The following TXLNB variants were observed in gnomAD, a reference collection of about 807,000 sequenced individuals.
The protein encoded by TXLNB is taxilin beta.
Under a neutral mutation model 57.4 loss-of-function variants are expected in TXLNB, and 37 were observed. The observed-to-expected ratio is 0.64, with a 90% CI of 0.50 to 0.85. TXLNB has a LOEUF of 0.85. Among genes scored for constraint, TXLNB ranks in the 40% least tolerant of loss-of-function variants. The pLI is 0.00. For missense variants in TXLNB, 848 were observed against 825.6 expected, an observed-to-expected ratio of 1.03 and a Z score of -0.33; for synonymous variants, 302 against 309.6, an observed-to-expected ratio of 0.98 and a Z score of 0.26.
intron 5 of TXLNB, among the ~76,000 whole-genome samples, chr6:139,261,466 T>C (rs1267323115): frequency 6.6e-6 from 1 of 152,160 alleles, no homozygotes; most frequent in Admixed American, 6.5e-5. Context: ...GCTTTGACTA[T>C]GTTATGTTAC....
chr6:139,253,535 G>T (rs1209389037), intron 7 of TXLNB, among the ~76,000 whole-genome samples: 1 of 151,984 alleles, frequency 6.6e-6, no homozygotes, highest in African/African-American at 2.4e-5. Context: ...AGAGGTTTAG[G>T]TGGGTTACAC....
At chr6:139,289,248 A>G (rs1349400250) in intron 1 of TXLNB, among the ~76,000 whole-genome samples, 1 of 152,216 alleles carries the variant, frequency 6.6e-6, no homozygotes, top group African/African-American at 2.4e-5. Flanking sequence ...GATTACAGAC[A>G]TTGTATAGAA....
Position 139,276,876 on chromosome 6 carries a change from G to A in TXLNB, c.470C>T (p.Thr157Ile). The change falls in exon 3 of 10, where the codon ACA becomes ATA. Residue 157 changes from threonine (T) to isoleucine (I), a missense_variant. Physicochemically the swap from Thr to Ile is moderately conservative, Grantham distance 89. Coordinates refer to ENST00000358430, the MANE Select transcript of TXLNB (RefSeq NM_153235.4). Reference protein sequence around the residue: ...LLMQNLNKLQTPEEKFDFLFK... With the variant: ...LLMQNLNKLQIPEEKFDFLFK... ...TAAAAAATCAAACTTTTCTTCCGGT[G>A]TTTGCAACTTGTTCAGATTTTGCAT... 1.3e-6 allele frequency: 2 copies of A among 1,598,194 alleles called. No homozygotes were observed. Among genetic ancestry groups the A allele is most frequent in the Non-Finnish European group, 1.7e-6 (2 of 1,175,030 alleles).
At chr6:139,167,248 A>T in the TXLNB span, 3 of 1,613,814 alleles carry the variant, frequency 1.9e-6, no homozygotes, top group Non-Finnish European at 2.5e-6. Context: ...AACAGTTCCC[A>T]CTGGTGGATG....
chr6:139,252,127 C>T (rs1443676181), intron 7 of TXLNB, among the ~76,000 whole-genome samples: 6 of 152,234 alleles, frequency 3.9e-5, no homozygotes, highest in Admixed American at 3.9e-4. Flanking sequence ...GACATCGCTT[C>T]CCTAAGTGAG....
chr6:139,213,543 C>T, the TXLNB span, among the ~76,000 whole-genome samples: 1 of 152,136 alleles, frequency 6.6e-6, no homozygotes, highest in African/African-American at 2.4e-5. Flanking sequence ...CTAAAATTGA[C>T]ACCCTAACAT....
chr6:139,310,899 T>G, the TXLNB span, among the ~76,000 whole-genome samples: 1 of 152,162 alleles, frequency 6.6e-6, no homozygotes, highest in Non-Finnish European at 1.5e-5. Flanking sequence ...TTCACCATGT[T>G]GGCCAGGTGG....
the TXLNB span, chr6:139,166,652 C>G: frequency 6.2e-7 from 1 of 1,614,124 alleles, no homozygotes. Context: ...CACAGGGAGG[C>G]CTCCTGGTGA....
chr6:139,180,276 T>TAACA, the TXLNB span: 5 of 152,464 alleles, frequency 3.3e-5, no homozygotes, highest in Admixed American at 6.5e-5. Context: ...ACTCTAAAAC[T>TAACA]AACAGATAAG....
At chr6:139,313,407 G>A in the TXLNB span, among the ~76,000 whole-genome samples, 1 of 151,892 alleles carries the variant, frequency 6.6e-6, no homozygotes, top group South Asian at 2.1e-4. Flanking sequence ...TTGTTACATG[G>A]ACTTTAGCCA....
the TXLNB span, chr6:139,167,275 C>T: frequency 3.1e-5 from 50 of 1,612,298 alleles, no homozygotes; most frequent in Non-Finnish European, 4.2e-5. Flanking sequence ...TGTTCCTAAG[C>T]CCGTCGAGAC....
intron 4 of TXLNB, among the ~76,000 whole-genome samples, chr6:139,263,551 A>G (rs1776539646): frequency 6.6e-6 from 1 of 152,220 alleles, no homozygotes; most frequent in African/African-American, 2.4e-5. Flanking sequence ...TTAACATTGA[A>G]GAATTGCAAA....
chr6:139,255,368 C>A (rs1776309232), intron 7 of TXLNB, 196 bp downstream of exon 7: 1 of 645,670 alleles, frequency 1.5e-6, no homozygotes, highest in East Asian at 3.2e-5. Flanking sequence ...CAGAACATTT[C>A]TTTTTCATAG....
chr6:139,231,322 G>A, the TXLNB span, among the ~76,000 whole-genome samples: 5 of 152,040 alleles, frequency 3.3e-5, no homozygotes, highest in African/African-American at 9.7e-5. Context: ...CCCTTCCCAC[G>A]GTGCTGAGTT....
In TXLNB at chr6:139,283,501, G is replaced by A. The variant is rs184147908; in HGVS notation, c.424+4975C>T. The stretch of plus-strand genomic sequence containing the variant: ...TGAGGCAGGAGAATCGATTGAACCC[G>A]GAGGGCGGAGGTTGTGGTGAGCCGA... On this transcript the variant is annotated intron_variant, in intron 2 of 9. Transcript: ENST00000358430. 7.8e-4 allele frequency among the ~76,000 whole-genome samples: 111 copies of A among 142,500 alleles called. 13 individuals are homozygous for A. Among genetic ancestry groups the A allele is most frequent in the African/African-American group, 2.5e-3 (97 of 38,530 alleles). 93.5% of individuals were successfully genotyped at this position (142,500 alleles called of 152,430 possible).
chr6:139,291,157 C>G (rs886193170), intron 1 of TXLNB, among the ~76,000 whole-genome samples: 4 of 152,202 alleles, frequency 2.6e-5, no homozygotes, highest in African/African-American at 4.8e-5. Flanking sequence ...CACACGGCAC[C>G]TGCTGTCCAG....
At chr6:139,231,708 C>T in the TXLNB span, among the ~76,000 whole-genome samples, 9 of 152,024 alleles carry the variant, frequency 5.9e-5, no homozygotes, top group African/African-American at 1.7e-4. Flanking sequence ...AAAATCCTTA[C>T]ATATCTAGTA....
chr6:139,242,365 G>T lies in TXLNB; in HGVS notation c.*161C>A. The T allele has an allele frequency of 1.9e-6, 1 of 514,118 alleles. No individual in the cohort carries two copies. Among genetic ancestry groups the T allele is most frequent in the Non-Finnish European group, 3.1e-6 (1 of 327,524 alleles). 31.8% of individuals were successfully genotyped at this position (514,118 alleles called of 1,614,324 possible). A position where few individuals can be genotyped will look rare whatever the true frequency, so the allele number is the denominator to read the frequency against. On this transcript the variant is annotated 3_prime_UTR_variant, in exon 10 of 10. Coordinates refer to ENST00000358430, the MANE Select transcript of TXLNB (RefSeq NM_153235.4). ...ATCAGCTATAAATTGACAACAAATA[G>T]CAAAGTCTGAATGAATGTGTTCTGC...
chr6:139,303,111 G>A, the TXLNB span, among the ~76,000 whole-genome samples: 2 of 152,150 alleles, frequency 1.3e-5, no homozygotes, highest in South Asian at 4.1e-4. Context: ...AAAAATTAGA[G>A]TTCTATAGTA....
Sources: allele counts gnomAD v4.1 joint callset (sites outside exome capture counted in the v4.1 genomes callset), GRCh38; gene constraint gnomAD v4.1.1; transcripts MANE v1.5; gene names NCBI Gene and HGNC (gene_info 2026-07-23, HGNC 2026-07-21).